NUAK1: variants seen among roughly 807,000 people sequenced by gnomAD.
NUAK1 encodes NUAK family SNF1-like kinase 1.
Under a neutral mutation model 56.9 loss-of-function variants are expected in NUAK1, and 26 were observed. The ratio of observed to expected loss-of-function variants is 0.46; its 90% confidence interval spans 0.33 to 0.63. NUAK1 has a LOEUF of 0.63. Among genes scored for constraint, NUAK1 ranks in the 30% least tolerant of loss-of-function variants. NUAK1 has a pLI of 0.02. For synonymous variants in NUAK1, 337 were observed against 336.0 expected, an observed-to-expected ratio of 1.00 and a Z score of -0.03; for missense variants, 727 against 876.1, an observed-to-expected ratio of 0.83 and a Z score of 2.15.
chr12:106,094,285 G>A (rs921535352), intron 2 of NUAK1, among the ~76,000 whole-genome samples: 3 of 152,274 alleles, frequency 2.0e-5, no homozygotes, highest in African/African-American at 4.8e-5. Context: ...CCAAAATCTC[G>A]GACCGGAGTA....
At chr12:106,102,887 T>C (rs921147466) in intron 2 of NUAK1, among the ~76,000 whole-genome samples, 1 of 152,196 alleles carries the variant, frequency 6.6e-6, no homozygotes, top group South Asian at 2.1e-4. Flanking sequence ...AAACCTGTCC[T>C]AAGGGTTTCA....
intron 2 of NUAK1, 161 bp from the exon 3 acceptor site, chr12:106,087,046 C>A (rs910798491): frequency 3.9e-6 from 3 of 761,322 alleles, no homozygotes; most frequent in Non-Finnish European, 6.2e-6. Flanking sequence ...AGGCGTGGGG[C>A]GTGCTGTCCC....
rs1203960600 is a variant in NUAK1, at chr12:106,063,430, A to G, written c.*3372T>C. ...ACAAAAATCAGTTTCCAACGAAAAT[A>G]CAAACACTTTGGGTGGTTATCCAGC... is the stretch of plus-strand genomic sequence containing the variant. On this transcript the variant is annotated 3_prime_UTR_variant, in exon 7 of 7. Transcript: ENST00000261402. The G allele has an allele frequency of 6.6e-6, 1 of 152,642 alleles. No homozygotes were observed. The highest frequency in any genetic ancestry group is 6.5e-5 in the Admixed American group (1 of 15,286). 9.5% of individuals were successfully genotyped at this position (152,642 alleles called of 1,614,324 possible).
intron 2 of NUAK1, among the ~76,000 whole-genome samples, chr12:106,092,621 T>C (rs545017266): frequency 6.6e-6 from 1 of 152,328 alleles, no homozygotes; most frequent in East Asian, 1.9e-4. Context: ...GAGTACTCCA[T>C]TATGTGAATG....
intron 1 of NUAK1, among the ~76,000 whole-genome samples, chr12:106,110,563 G>C (rs1426273513): frequency 6.6e-6 from 1 of 152,138 alleles, no homozygotes; most frequent in Non-Finnish European, 1.5e-5. Flanking sequence ...GGGCCCAGCA[G>C]GAAGAGATTA....
In NUAK1 at chr12:106,067,094, T is replaced by C. The variant is rs1293338483; in HGVS notation, c.1694A>G (p.Tyr565Cys). The C allele has an allele frequency of 1.9e-6, 3 of 1,614,230 alleles. No homozygotes were observed. In the Admixed American group the frequency reaches 5.0e-5, roughly 27 times the overall value. The change falls in exon 7 of 7, where the codon TAC becomes TGC. Residue 565 changes from tyrosine (Y) to cysteine (C), a missense_variant. By Grantham distance (194) the Tyr-to-Cys change is radical (BLOSUM62 -2). Transcript: ENST00000261402. The surrounding 1 kb of genome is among the most constrained non-coding windows in gnomAD (Gnocchi z 6.0). ...GCTGATGACACTGGAAGGGCGGCTG[T>C]AGCTCCGGGAGAGGCCCTCGGCAGG... ...GVPAEGLSRS[Y>C]SRPSSVISDD... is the part of the protein sequence containing the mutation.
At chr12:106,087,759 AGG>A (rs1026763264) in intron 2 of NUAK1, among the ~76,000 whole-genome samples, 12 of 152,272 alleles carry the variant, frequency 7.9e-5, no homozygotes, top group African/African-American at 2.4e-4. Flanking sequence ...ACTGAGGCCT[AGG>A]GAGGTTAAGA....
At chr12:106,130,197 G>A (rs2033063294) in intron 1 of NUAK1, among the ~76,000 whole-genome samples, 1 of 152,168 alleles carries the variant, frequency 6.6e-6, no homozygotes, top group South Asian at 2.1e-4. Context: ...GGCCAGGCTG[G>A]TCTCAAACTC....
intron 1 of NUAK1, among the ~76,000 whole-genome samples, chr12:106,137,243 A>C (rs2033138737): frequency 6.6e-6 from 1 of 152,134 alleles, no homozygotes; most frequent in Non-Finnish European, 1.5e-5. Context: ...CAAAAGAAAC[A>C]TGTCAATACT....
chr12:106,073,386 T>A (rs1016256248), intron 4 of NUAK1, among the ~76,000 whole-genome samples: 10 of 152,288 alleles, frequency 6.6e-5, no homozygotes, highest in Middle Eastern at 6.8e-3. Context: ...TGACTCAAGA[T>A]GAAATGGACT....
At position 106,112,092 on chromosome 12, in the gene NUAK1, G is replaced by A. The variant is rs183755522; in HGVS notation, c.241-5567C>T. Among the ~76,000 whole-genome samples, 570 of 151,832 alleles carry A rather than the reference G, an allele frequency of 3.8e-3. 1 individual carries two copies. Among genetic ancestry groups the A allele is most frequent in the African/African-American group, 0.013 (546 of 41,418 alleles). ...CAGATGAAGTTTTACAGGGTCATAT[G>A]TGAGGTCCCAAAAGGAGGGACTGGA... On this transcript the variant is annotated intron_variant, in intron 1 of 6. Transcript: ENST00000261402.
chr12:106,067,433 C>T lies in NUAK1; in HGVS notation c.1355G>A (p.Gly452Glu), dbSNP rs1157642732. The T allele has an allele frequency of 4.3e-6, 7 of 1,614,202 alleles. 2 individuals are homozygous for T. In the South Asian group the frequency reaches 7.7e-5, roughly 18 times the overall value. Residue 452 changes from glycine (G) to glutamate (E), a missense_variant, in exon 7 of 7, where the codon GGA becomes GAA. Gly to Glu is a moderately conservative substitution (Grantham distance 98). Transcript: ENST00000261402. This position sits in a 1 kb window ranked among gnomAD's most constrained non-coding sequence, Gnocchi z 6.0. ...LPSSPEAEVP[G>E]KLSPKQSATM... ...GGCCGACTGCTTGGGGCTGAGTTTT[C>T]CCGGCACCTCTGCCTCTGGTGAGCT...
intron 6 of NUAK1, among the ~76,000 whole-genome samples, chr12:106,068,788 A>G (rs913265513): frequency 9.9e-5 from 15 of 152,194 alleles, no homozygotes; most frequent in African/African-American, 1.9e-4. Flanking sequence ...TGTTCCCCCA[A>G]TTGGGGTGAA....
intron 2 of NUAK1, 29 bp from the exon 3 acceptor site, chr12:106,086,914 C>T (rs371665192): frequency 1.3e-6 from 2 of 1,598,886 alleles, no homozygotes; most frequent in Non-Finnish European, 1.7e-6. Context: ...AATACACAAA[C>T]ACCCCGTTTA....
intron 1 of NUAK1, among the ~76,000 whole-genome samples, chr12:106,126,956 C>G (rs1007278584): frequency 2.0e-5 from 3 of 152,214 alleles, no homozygotes; most frequent in African/African-American, 7.2e-5. Context: ...AAAGATTCCT[C>G]TGAGCTGCCC....
chr12:106,072,916 C>G lies in NUAK1; in HGVS notation c.580-73G>C, dbSNP rs2032420951. 3 of 1,552,816 alleles carry G rather than the reference C, an allele frequency of 1.9e-6. No homozygotes were observed. In the East Asian group the frequency reaches 6.9e-5, roughly 35 times the overall value. On this transcript the variant is annotated intron_variant, in intron 4 of 6. Transcript: ENST00000261402. ...ATGTCTGTGTTGGATCAGTTCACACCACACAGCACACAGAGTGGATGAAGG... is the reference window on the plus strand; with the variant it reads ...ATGTCTGTGTTGGATCAGTTCACACGACACAGCACACAGAGTGGATGAAGG...
At chr12:106,135,518 A>T (rs1424796937) in intron 1 of NUAK1, among the ~76,000 whole-genome samples, 1 of 152,158 alleles carries the variant, frequency 6.6e-6, no homozygotes, top group Non-Finnish European at 1.5e-5. Context: ...TTTTTTAGAA[A>T]CTTCTCTCCT....
intron 4 of NUAK1, among the ~76,000 whole-genome samples, chr12:106,080,456 C>T (rs2032505045): frequency 6.6e-6 from 1 of 152,198 alleles, no homozygotes; most frequent in South Asian, 2.1e-4. Context: ...CAAATTAGTG[C>T]TGTGCTTGGT....
chr12:106,122,791 T>G (rs1258619785), intron 1 of NUAK1, among the ~76,000 whole-genome samples: 2 of 152,170 alleles, frequency 1.3e-5, no homozygotes, highest in African/African-American at 4.8e-5. Context: ...ACTCCAACCC[T>G]GTTGAATCAG....
Sources: allele counts gnomAD v4.1 joint callset (sites outside exome capture counted in the v4.1 genomes callset), GRCh38; gene constraint gnomAD v4.1.1; non-coding constraint Gnocchi (gnomAD v3.1); transcripts MANE v1.5; gene names NCBI Gene and HGNC (gene_info 2026-07-23, HGNC 2026-07-21).